The following USP54 variants were observed in gnomAD, a reference collection of about 807,000 sequenced individuals.
USP54 encodes the protein ubiquitin carboxyl-terminal hydrolase 54.
A neutral mutation model predicts 170.5 loss-of-function variants in USP54; 87 were observed. That is an observed-to-expected ratio of 0.51 (90% CI 0.43 to 0.61). The LOEUF (loss-of-function observed/expected upper bound fraction) is 0.61. Among genes scored for constraint, USP54 ranks in the 20% least tolerant of loss-of-function variants. The pLI is 0.00. For missense variants in USP54, 1,786 were observed against 2,047.8 expected (o/e 0.87, Z 2.47); for synonymous variants, 655 against 742.8 (o/e 0.88, Z 1.92).
intron 4 of USP54, among the ~76,000 whole-genome samples, chr10:73,556,509 C>T (rs2071096633): frequency 1.3e-5 from 2 of 151,712 alleles, no homozygotes; most frequent in Non-Finnish European, 2.9e-5. Context: ...CCACGCCCGG[C>T]TAATTTTTGT....
intron 1 of USP54, among the ~76,000 whole-genome samples, chr10:73,596,721 A>AG (rs2078767991): frequency 2.1e-4 from 1 of 4,812 alleles, no homozygotes; most frequent in Admixed American, 3.1e-3. Flanking sequence ...ATCCTGTCTC[A>AG]AAAAAAAAAA....
At chr10:73,582,212 G>C (rs2076977257) in intron 1 of USP54, among the ~76,000 whole-genome samples, 1 of 152,124 alleles carries the variant, frequency 6.6e-6, no homozygotes, top group South Asian at 2.1e-4. Context: ...CGCCCTAAGA[G>C]ACAGAGGGGT....
At chr10:73,606,851 C>T (rs2079675975) in intron 1 of USP54, among the ~76,000 whole-genome samples, 1 of 148,826 alleles carries the variant, frequency 6.7e-6, no homozygotes, top group South Asian at 2.1e-4. Flanking sequence ...TGCACTCCAG[C>T]CTGGGTGACA....
At chr10:73,580,318 CA>C (rs550717480) in intron 1 of USP54, among the ~76,000 whole-genome samples, 5,224 of 64,336 alleles carry the variant, frequency 0.081, 86 homozygotes, top group South Asian at 0.19. Context: ...GACCCCATTT[CA>C]AAAAAAAAAA....
chr10:73,622,540 T>C (rs562092802), intron 1 of USP54, among the ~76,000 whole-genome samples: 1 of 152,136 alleles, frequency 6.6e-6, no homozygotes, highest in Non-Finnish European at 1.5e-5. Flanking sequence ...GCCAGGCTGA[T>C]CTCAAACTCC....
At chr10:73,506,282 T>G (rs577681162) in intron 20 of USP54, 1 of 152,238 alleles carries the variant, frequency 6.6e-6, no homozygotes, top group Non-Finnish European at 1.5e-5. Flanking sequence ...AGGAATGTTT[T>G]ACATATGTAA....
chr10:73,613,013 C>T (rs1435297827), intron 1 of USP54, among the ~76,000 whole-genome samples: 2 of 151,778 alleles, frequency 1.3e-5, no homozygotes, highest in Non-Finnish European at 2.9e-5. Flanking sequence ...AAAAATTAGC[C>T]AAGCATGGTG....
At chr10:73,537,485 C>T (rs1241445205) in intron 10 of USP54, among the ~76,000 whole-genome samples, 1 of 152,156 alleles carries the variant, frequency 6.6e-6, no homozygotes, top group East Asian at 1.9e-4. Context: ...TCACATAAGC[C>T]ACTTCAACCA....
At position 73,588,830 on chromosome 10, in the gene USP54, C is replaced by T. The variant is rs555823623; in HGVS notation, c.-582+2448G>A. 1.2e-4 allele frequency among the ~76,000 whole-genome samples: 18 copies of T among 152,318 alleles called. No homozygotes were observed. The South Asian group carries it at 3.5e-3, about 30-fold the overall frequency. On this transcript the variant is annotated intron_variant, in intron 1 of 23. Coordinates refer to ENST00000687698, the MANE Select transcript of USP54 (RefSeq NM_001391956.1). Reference sequence around the variant, plus strand: ...TTTTGTATTTCTCAATCAACGAATGCTCCTCCCATCTTCCCAGTCCTACCT... The same window carrying T: ...TTTTGTATTTCTCAATCAACGAATGTTCCTCCCATCTTCCCAGTCCTACCT...
In USP54 at chr10:73,571,573, T is replaced by TA. The variant is rs2075208366; in HGVS notation, c.148-61dup. On this transcript the variant is annotated intron_variant, in intron 3 of 23. Transcript: ENST00000687698. ...AAAAAGCTACCATTTAATTTTAAAG[T>TA]AAAGAGTTCAAACAAACATAGGTAA... 1.4e-5 allele frequency: 19 copies of TA among 1,405,784 alleles called. 1 individual carries two copies. In the South Asian group the frequency reaches 2.3e-4, roughly 17 times the overall value. 87.1% of individuals were successfully genotyped at this position (1,405,784 alleles called of 1,614,324 possible). A position where few individuals can be genotyped will look rare whatever the true frequency, so the allele number is the denominator to read the frequency against.
At chr10:73,617,446 ACT>A (rs2080733077) in intron 1 of USP54, among the ~76,000 whole-genome samples, 2 of 149,852 alleles carry the variant, frequency 1.3e-5, no homozygotes, top group Non-Finnish European at 2.9e-5. Flanking sequence ...ACAGAGAGAG[ACT>A]CTGTCTAAAA....
chr10:73,567,399 AG>A (rs2074095800), intron 4 of USP54, among the ~76,000 whole-genome samples: 1 of 152,084 alleles, frequency 6.6e-6, no homozygotes, highest in Non-Finnish European at 1.5e-5. Context: ...GGCTGGGTGC[AG>A]TGGCTCACAC....
chr10:73,555,180 T>C (rs1323711025), intron 4 of USP54, among the ~76,000 whole-genome samples: 1 of 152,252 alleles, frequency 6.6e-6, no homozygotes, highest in African/African-American at 2.4e-5. Context: ...TCATCACATA[T>C]GTAATTTAAT....
upstream of USP54, among the ~76,000 whole-genome samples, chr10:73,594,336 G>T (rs2078543321): frequency 6.6e-6 from 1 of 152,144 alleles, no homozygotes; most frequent in South Asian, 2.1e-4. Context: ...CTCTCAAAGT[G>T]CTGGGATTAC....
chr10:73,616,137 A>T lies in USP54; in HGVS notation c.-18+9430T>A, dbSNP rs912223520. Among the ~76,000 whole-genome samples the T allele has an allele frequency of 1.8e-4, 27 of 149,904 alleles. No individual in the cohort carries two copies. The East Asian group carries it at 4.3e-3, about 24-fold the overall frequency. Reference sequence around the variant, plus strand: ...GCAGATCACTTGAGATCAGGAGTTCAAGACTAGCCTGGCGAACATGGTGAA... The same window carrying T: ...GCAGATCACTTGAGATCAGGAGTTCTAGACTAGCCTGGCGAACATGGTGAA... On this transcript the variant is annotated intron_variant, in intron 1 of 22. Coordinates refer to the USP54 transcript ENST00000339859.
At chr10:73,622,611 A>G (rs867703008) in intron 1 of USP54, among the ~76,000 whole-genome samples, 5 of 152,210 alleles carry the variant, frequency 3.3e-5, no homozygotes, top group Middle Eastern at 6.8e-3. Flanking sequence ...GGCCTGAGCT[A>G]CCGTGCCTGG....
At chr10:73,598,619 A>C in intron 1 of USP54, among the ~76,000 whole-genome samples, 1 of 152,044 alleles carries the variant, frequency 6.6e-6, no homozygotes, top group East Asian at 1.9e-4. Context: ...TCTACTAAAA[A>C]TACAAAAATT....
rs1041382455 is a variant in USP54 at position 73,541,493 on chromosome 10, C to T, written c.707G>A (p.Arg236His). The change falls in exon 9 of 24, where the codon CGC (arginine) becomes CAC (histidine). Residue 236 changes from arginine (R) to histidine (H), a missense_variant. Coordinates refer to ENST00000687698, the MANE Select transcript of USP54 (RefSeq NM_001391956.1). ...PSNCGERIRI[R>H]RVLMNAPQII... ...CTGTGGAGCATTCATCAACACACGG[C>T]GAATCCTGATCCTCTCTCCACAGTT... The T allele has an allele frequency of 2.5e-6, 4 of 1,614,038 alleles. No homozygotes were observed. The highest frequency in any genetic ancestry group is 1.7e-5 in the Admixed American group (1 of 59,998).
At chr10:73,584,546 T>C (rs1200832380) in intron 1 of USP54, among the ~76,000 whole-genome samples, 2 of 152,306 alleles carry the variant, frequency 1.3e-5, no homozygotes, top group South Asian at 4.1e-4. Flanking sequence ...GTGCGCAGAA[T>C]GAATTAACAG....
Sources: allele counts gnomAD v4.1 joint callset (sites outside exome capture counted in the v4.1 genomes callset), GRCh38; gene constraint gnomAD v4.1.1; transcripts MANE v1.5; gene names NCBI Gene and HGNC (gene_info 2026-07-23, HGNC 2026-07-21).